The following ADAMTS3 variants were observed in gnomAD, a reference collection of about 807,000 sequenced individuals.
ADAMTS3 encodes the protein ADAM metallopeptidase with thrombospondin type 1 motif 3.
In ADAMTS3, 73 loss-of-function variants were observed where a neutral mutation model predicts 129.0. That is an observed-to-expected ratio of 0.57 (90% confidence interval 0.47 to 0.69). The LOEUF is 0.69. Ranked by LOEUF, ADAMTS3 falls within the 30% of genes least tolerant of loss-of-function variation. The pLI, the probability that ADAMTS3 is intolerant of heterozygous loss-of-function variation, is 0.00. For missense variants in ADAMTS3, 1,457 were observed against 1,514.5 expected (o/e 0.96, Z 0.63); for synonymous variants, 477 against 510.8 (o/e 0.93, Z 0.89).
intron 3 of ADAMTS3, among the ~76,000 whole-genome samples, chr4:72,457,936 G>T (rs1042557624): frequency 6.6e-6 from 1 of 151,518 alleles, no homozygotes; most frequent in Non-Finnish European, 1.5e-5. Flanking sequence ...CTCATCTTTG[G>T]AGGGGATGAG....
rs1199104935 is a variant in ADAMTS3, at chr4:72,451,502, C to T, written c.505-36531G>A. 3.3e-5 allele frequency among the ~76,000 whole-genome samples: 5 copies of T among 151,766 alleles called. No individual in the cohort carries two copies. The South Asian group carries it at 8.3e-4, about 25-fold the overall frequency. On this transcript the variant is annotated intron_variant, in intron 3 of 21. Transcript: ENST00000286657. Reference sequence around the variant, plus strand: ...ATGGAAGCACTAGTGGAAAAGCTAGCCCTGGCCCAGCGCCAACATATTTAG... The same window carrying T: ...ATGGAAGCACTAGTGGAAAAGCTAGTCCTGGCCCAGCGCCAACATATTTAG...
intron 3 of ADAMTS3, among the ~76,000 whole-genome samples, chr4:72,529,766 A>T (rs13132021): frequency 9.7e-6 from 1 of 103,512 alleles, no homozygotes; most frequent in South Asian, 2.5e-4. Flanking sequence ...TAATATTAAT[A>T]TATGTTAATT....
chr4:72,307,570 TAA>T (rs1451301427), intron 15 of ADAMTS3, among the ~76,000 whole-genome samples: 1 of 152,020 alleles, frequency 6.6e-6, no homozygotes, highest in African/African-American at 2.4e-5. Context: ...GACTATCCCA[TAA>T]GTCACATATT....
intron 10 of ADAMTS3, 133 bp from the exon 11 acceptor site, chr4:72,316,104 A>G: frequency 2.3e-6 from 1 of 442,080 alleles, no homozygotes. Flanking sequence ...ATGTTTTGAC[A>G]TGTTGAAAAA....
chr4:72,506,885 C>G (rs930871516), intron 3 of ADAMTS3, among the ~76,000 whole-genome samples: 1 of 152,146 alleles, frequency 6.6e-6, no homozygotes, highest in East Asian at 1.9e-4. Context: ...CATTTTTCTT[C>G]CTGAATTAAA....
At chr4:72,527,892 G>C (rs570856367) in intron 3 of ADAMTS3, among the ~76,000 whole-genome samples, 1 of 152,264 alleles carries the variant, frequency 6.6e-6, no homozygotes, top group African/African-American at 2.4e-5. Context: ...GCAGAGTGTA[G>C]TGTCATCAAA....
At chr4:72,295,467 T>C (rs1017230977) in intron 19 of ADAMTS3, among the ~76,000 whole-genome samples, 187 bp downstream of exon 19, 2 of 152,074 alleles carry the variant, frequency 1.3e-5, no homozygotes, top group Non-Finnish European at 2.9e-5. Context: ...GTGGTTGTTT[T>C]TGAGGAACAA....
At chr4:72,405,165 T>C (rs1722019582) in intron 4 of ADAMTS3, among the ~76,000 whole-genome samples, 1 of 152,050 alleles carries the variant, frequency 6.6e-6, no homozygotes, top group South Asian at 2.1e-4. Flanking sequence ...AGAACTACCA[T>C]ATGATCCAGA....
chr4:72,516,213 A>C (rs1720472988), intron 3 of ADAMTS3, among the ~76,000 whole-genome samples: 1 of 152,162 alleles, frequency 6.6e-6, no homozygotes, highest in African/African-American at 2.4e-5. Context: ...TTTTGGTACC[A>C]GTACCATGCT....
At chr4:72,507,966 T>C (rs1446043464) in intron 3 of ADAMTS3, among the ~76,000 whole-genome samples, 2 of 152,226 alleles carry the variant, frequency 1.3e-5, no homozygotes, top group Admixed American at 1.3e-4. Flanking sequence ...TATGCCTCTA[T>C]TAACATCAAG....
chr4:72,338,688 A>T (rs764072418), intron 5 of ADAMTS3, among the ~76,000 whole-genome samples: 6 of 152,218 alleles, frequency 3.9e-5, no homozygotes, highest in Middle Eastern at 3.4e-3. Flanking sequence ...ATAAAACAGC[A>T]TAGGCTTAGG....
chr4:72,384,487 A>G (rs1325907060), intron 4 of ADAMTS3, among the ~76,000 whole-genome samples: 2 of 152,208 alleles, frequency 1.3e-5, no homozygotes, highest in Non-Finnish European at 2.9e-5. Flanking sequence ...AAAAACAATG[A>G]AGGCCAGAAG....
intron 19 of ADAMTS3, among the ~76,000 whole-genome samples, chr4:72,294,688 C>T (rs889369531): frequency 6.6e-6 from 1 of 151,978 alleles, no homozygotes; most frequent in African/African-American, 2.4e-5. Flanking sequence ...AATGACGGTC[C>T]TACAAACTTT....
At chr4:72,361,496 CAGT>C (rs1035920569) in intron 4 of ADAMTS3, among the ~76,000 whole-genome samples, 29 of 152,032 alleles carry the variant, frequency 1.9e-4, no homozygotes, top group African/African-American at 6.5e-4. Context: ...AAGATCTTTA[CAGT>C]AGATTTATTT....
intron 3 of ADAMTS3, among the ~76,000 whole-genome samples, chr4:72,527,166 C>G (rs1486347844): frequency 6.6e-6 from 1 of 152,134 alleles, no homozygotes; most frequent in Non-Finnish European, 1.5e-5. Flanking sequence ...CAATCTGACC[C>G]TGTCGTCTCC....
At chr4:72,317,465 CCTT>C (rs1719428235) in intron 10 of ADAMTS3, among the ~76,000 whole-genome samples, 1 of 132,888 alleles carries the variant, frequency 7.5e-6, no homozygotes, top group Non-Finnish European at 1.5e-5. Context: ...TAGAAAAAGG[CCTT>C]CTTTTTTTTT....
intron 3 of ADAMTS3, among the ~76,000 whole-genome samples, chr4:72,445,488 T>C (rs1461205519): frequency 2.0e-5 from 3 of 151,658 alleles, no homozygotes; most frequent in Non-Finnish European, 3.0e-5. Context: ...ATGAGTACTA[T>C]AGGAAAAACA....
At chr4:72,407,456 C>A (rs775880945) in intron 4 of ADAMTS3, among the ~76,000 whole-genome samples, 3 of 152,032 alleles carry the variant, frequency 2.0e-5, no homozygotes, top group Non-Finnish European at 4.4e-5. Context: ...TGGAATAAAA[C>A]CTGACGAAAC....
chr4:72,311,241 A>T, intron 13 of ADAMTS3, 60 bp from the exon 14 acceptor site: 1 of 1,410,234 alleles, frequency 7.1e-7, no homozygotes, highest in Non-Finnish European at 9.6e-7. Context: ...TGAACAGCAT[A>T]GTTTATTTTA....
Sources: gnomAD v4.1 joint callset for allele counts (sites outside exome capture counted in the v4.1 genomes callset) on GRCh38, gnomAD v4.1.1 for gene constraint, MANE v1.5 for transcripts, NCBI Gene and HGNC (gene_info 2026-07-23, HGNC 2026-07-21) for gene names.